Variants in STXBP5L observed in about 807,000 individuals in gnomAD.
The protein encoded by STXBP5L is syntaxin binding protein 5L, also known as syntaxin-binding protein 5-like.
In STXBP5L, 65 loss-of-function variants were observed where a neutral mutation model predicts 144.5. The ratio of observed to expected loss-of-function variants is 0.45; its 90% CI spans 0.37 to 0.55. The LOEUF (loss-of-function observed/expected upper bound fraction) is 0.55. Ranked by LOEUF, STXBP5L falls within the 20% of genes least tolerant of loss-of-function variation. STXBP5L has a pLI of 0.00. For synonymous variants in STXBP5L, 505 were observed against 469.6 expected (o/e 1.08, Z -0.97); for missense variants, 1,298 against 1,405.5 (o/e 0.92, Z 1.22).
At chr3:121,085,589 G>C (rs1437492845) in intron 5 of STXBP5L, among the ~76,000 whole-genome samples, 1 of 152,054 alleles carries the variant, frequency 6.6e-6, no homozygotes, top group Non-Finnish European at 1.5e-5. Flanking sequence ...GCTACAAAGA[G>C]AATAAAATAT....
intron 8 of STXBP5L, among the ~76,000 whole-genome samples, chr3:121,156,989 A>G (rs2046137932): frequency 6.6e-6 from 1 of 152,050 alleles, no homozygotes. Flanking sequence ...TTTGAATCTT[A>G]TCTGACTCAA....
At chr3:121,253,945 G>C (rs748923019) in intron 15 of STXBP5L, among the ~76,000 whole-genome samples, 1 of 151,428 alleles carries the variant, frequency 6.6e-6, no homozygotes, top group Non-Finnish European at 1.5e-5. Context: ...GAGCCACTGC[G>C]CCCGGCCGCA....
At chr3:121,098,269 G>T (rs916073151) in intron 5 of STXBP5L, among the ~76,000 whole-genome samples, 1 of 152,164 alleles carries the variant, frequency 6.6e-6, no homozygotes. Context: ...GTCAGCATCT[G>T]CTTCTGGTGA....
chr3:121,208,700 T>C (rs1441965441), intron 10 of STXBP5L, among the ~76,000 whole-genome samples: 1 of 152,214 alleles, frequency 6.6e-6, no homozygotes, highest in Non-Finnish European at 1.5e-5. Flanking sequence ...CAAGGATTAT[T>C]AAGGTGCAGG....
intron 7 of STXBP5L, among the ~76,000 whole-genome samples, chr3:121,151,416 A>G (rs1223410864): frequency 6.6e-6 from 1 of 152,104 alleles, no homozygotes; most frequent in Non-Finnish European, 1.5e-5. Context: ...TGATATTTGA[A>G]ACCTTTTGTG....
chr3:121,418,375 G>T lies in STXBP5L; in HGVS notation c.3265G>T (p.Ala1089Ser), dbSNP rs1225661370. 1 of 1,613,886 alleles carries T rather than the reference G, an allele frequency of 6.2e-7. No individual in the cohort carries two copies. Among genetic ancestry groups the T allele is most frequent in the Non-Finnish European group, 8.5e-7 (1 of 1,179,950 alleles). ...ASAGKASRSL[A>S]QHIPGPGSIE... is the part of the protein sequence containing the mutation. ...GGCAGGAAAAGCATCCCGCAGCCTTGCGCAACACATTCCTGGACCAGGTAG... is the reference window on the plus strand; with the variant it reads ...GGCAGGAAAAGCATCCCGCAGCCTTTCGCAACACATTCCTGGACCAGGTAG... Residue 1089 changes from alanine to serine, a missense_variant, in exon 26 of 27, where the codon GCG becomes TCG. By Grantham distance (99) the Ala-to-Ser change is moderately conservative. Coordinates refer to ENST00000471454, the MANE Select transcript of STXBP5L (RefSeq NM_001308330.2).
At chr3:121,063,624 G>A (rs61800061) in intron 5 of STXBP5L, among the ~76,000 whole-genome samples, 6,292 of 152,270 alleles carry the variant, frequency 0.041, 196 homozygotes, top group Non-Finnish European at 0.06. Flanking sequence ...CTGTCCCAGG[G>A]AGATGAGAGT....
intron 5 of STXBP5L, among the ~76,000 whole-genome samples, chr3:121,059,161 G>T (rs965374434): frequency 2.6e-5 from 4 of 152,152 alleles, no homozygotes; most frequent in South Asian, 4.1e-4. Context: ...AAGGTGTAAG[G>T]AAGGGGTCCA....
chr3:121,254,540 A>G (rs1241925047), intron 15 of STXBP5L, among the ~76,000 whole-genome samples: 2 of 152,214 alleles, frequency 1.3e-5, no homozygotes, highest in Admixed American at 1.3e-4. Context: ...CCGCTAGGGA[A>G]GAATTATTTT....
chr3:121,007,964 C>G (rs1944473467), intron 3 of STXBP5L, among the ~76,000 whole-genome samples: 1 of 151,920 alleles, frequency 6.6e-6, no homozygotes, highest in African/African-American at 2.4e-5. Context: ...GTGGAAAAAA[C>G]TATACTTTCC....
At chr3:121,041,018 T>A (rs1178246907) in intron 3 of STXBP5L, among the ~76,000 whole-genome samples, 2 of 152,082 alleles carry the variant, frequency 1.3e-5, no homozygotes, top group South Asian at 4.1e-4. Context: ...TCATTTGGTA[T>A]AGAATATGTA....
intron 5 of STXBP5L, among the ~76,000 whole-genome samples, chr3:121,074,034 A>C (rs1049399802): frequency 6.6e-6 from 1 of 152,200 alleles, no homozygotes; most frequent in African/African-American, 2.4e-5. Context: ...GGTGCAGCCA[A>C]CAATACATCA....
At chr3:121,104,640 A>T (rs2043600752) in intron 5 of STXBP5L, among the ~76,000 whole-genome samples, 1 of 152,226 alleles carries the variant, frequency 6.6e-6, no homozygotes, top group Non-Finnish European at 1.5e-5. Context: ...AAAAACATAA[A>T]GTGGGAAAGA....
intron 22 of STXBP5L, 114 bp downstream of exon 22, chr3:121,381,646 A>G: frequency 7.4e-7 from 1 of 1,345,838 alleles, no homozygotes. Context: ...TATTCTGCAC[A>G]ATGGGAACTA....
At chr3:121,148,884 A>G (rs1435522086) in intron 7 of STXBP5L, among the ~76,000 whole-genome samples, 1 of 152,150 alleles carries the variant, frequency 6.6e-6, no homozygotes, top group Non-Finnish European at 1.5e-5. Flanking sequence ...CCATAGCCAA[A>G]CAATGAAATG....
intron 5 of STXBP5L, among the ~76,000 whole-genome samples, chr3:121,078,343 G>A (rs775536304): frequency 2.2e-4 from 33 of 152,138 alleles, no homozygotes; most frequent in Middle Eastern, 3.2e-3. Flanking sequence ...TAGACACAGG[G>A]TGCTGATTGG....
chr3:121,290,283 C>A (rs571728933), intron 19 of STXBP5L, among the ~76,000 whole-genome samples: 1 of 152,092 alleles, frequency 6.6e-6, no homozygotes, highest in South Asian at 2.1e-4. Flanking sequence ...CCTTTATGCA[C>A]ACAAACTAGA....
intron 3 of STXBP5L, among the ~76,000 whole-genome samples, chr3:121,034,963 G>A (rs1008763138): frequency 6.6e-6 from 1 of 152,102 alleles, no homozygotes; most frequent in Non-Finnish European, 1.5e-5. Flanking sequence ...TTTCTCTAAT[G>A]AATAGTGTTG....
chr3:121,050,690 A>T (rs889296446), intron 5 of STXBP5L, among the ~76,000 whole-genome samples: 7 of 152,206 alleles, frequency 4.6e-5, no homozygotes, highest in Admixed American at 2.0e-4. Flanking sequence ...CGAGCAAAAT[A>T]ACCAGCTAAC....
Sources: gnomAD v4.1 joint callset for allele counts (sites outside exome capture counted in the v4.1 genomes callset) on GRCh38, gnomAD v4.1.1 for gene constraint, MANE v1.5 for transcripts, NCBI Gene and HGNC (gene_info 2026-07-23, HGNC 2026-07-21) for gene names.